NEK11: variants seen among roughly 807,000 people sequenced by gnomAD.
The protein encoded by NEK11 is serine/threonine-protein kinase Nek11.
A neutral mutation model predicts 80.7 loss-of-function variants in NEK11; 72 were observed. The ratio of observed to expected loss-of-function variants is 0.89; its 90% CI spans 0.74 to 1.08. The LOEUF (loss-of-function observed/expected upper bound fraction) is 1.08, where lower values mean the gene tolerates loss of function less well. Among genes scored for constraint, NEK11 ranks in the 50% least tolerant of loss-of-function variants. The probability of loss-of-function intolerance (pLI) is 0.00; values close to 1 mark genes in which losing one functional copy is unlikely to be tolerated. For missense variants in NEK11, 764 were observed against 763.6 expected (o/e 1.00, Z -0.01); for synonymous variants, 251 against 260.7 (o/e 0.96, Z 0.36).
At chr3:131,078,485 C>A (rs1193145425) in intron 3 of NEK11, among the ~76,000 whole-genome samples, 2 of 151,952 alleles carry the variant, frequency 1.3e-5, no homozygotes, top group Admixed American at 6.6e-5. Context: ...TAATTGTAGT[C>A]TCTCACTGAG....
chr3:131,123,733 A>G (rs546061228), intron 5 of NEK11, among the ~76,000 whole-genome samples: 1 of 152,100 alleles, frequency 6.6e-6, no homozygotes, highest in South Asian at 2.1e-4. Context: ...ACTTACTCCA[A>G]AGTTACAGCA....
intron 4 of NEK11, among the ~76,000 whole-genome samples, chr3:131,081,463 A>T (rs181463517): frequency 6.6e-6 from 1 of 152,282 alleles, no homozygotes; most frequent in Non-Finnish European, 1.5e-5. Context: ...AGGGAGTGTG[A>T]AGCTGCTTAG....
At chr3:131,229,094 A>T (rs565971200) in intron 15 of NEK11, among the ~76,000 whole-genome samples, 1 of 152,300 alleles carries the variant, frequency 6.6e-6, no homozygotes, top group South Asian at 2.1e-4. Flanking sequence ...AATTGAATGC[A>T]AATAAAATTT....
chr3:131,340,970 C>T (rs796911923), intron 17 of NEK11, among the ~76,000 whole-genome samples: 17 of 152,164 alleles, frequency 1.1e-4, no homozygotes, highest in African/African-American at 3.9e-4. Context: ...ATTTGAGATA[C>T]CCAGCTAACT....
intron 14 of NEK11, among the ~76,000 whole-genome samples, chr3:131,181,773 A>G (rs1407002044): frequency 1.3e-5 from 2 of 149,072 alleles, no homozygotes; most frequent in Non-Finnish European, 3.0e-5. Flanking sequence ...AAAAGAAAAG[A>G]TAACTTTGTG....
chr3:131,133,539 T>A (rs2718865), intron 6 of NEK11, among the ~76,000 whole-genome samples: 1 of 152,138 alleles, frequency 6.6e-6, no homozygotes, highest in East Asian at 1.9e-4. Flanking sequence ...ATTCAGACTT[T>A]AAATAGCTTT....
intron 17 of NEK11, among the ~76,000 whole-genome samples, chr3:131,274,468 A>G (rs1157356608): frequency 6.6e-6 from 1 of 150,860 alleles, no homozygotes; most frequent in African/African-American, 2.5e-5. Flanking sequence ...CTTTGGGTAT[A>G]TACCCAGTAG....
At chr3:131,190,795 A>G (rs2093764136) in intron 14 of NEK11, among the ~76,000 whole-genome samples, 1 of 152,320 alleles carries the variant, frequency 6.6e-6, no homozygotes, top group Middle Eastern at 3.4e-3. Context: ...CTGAAGACTA[A>G]AAGATCTCTA....
intron 14 of NEK11, among the ~76,000 whole-genome samples, chr3:131,209,059 G>A (rs1311079644): frequency 1.1e-4 from 16 of 152,154 alleles, no homozygotes; most frequent in Admixed American, 1.0e-3. Context: ...CAAAGGGAAT[G>A]CTTTCAGTTT....
At chr3:131,162,992 A>C (rs2091817520) in intron 11 of NEK11, among the ~76,000 whole-genome samples, 1 of 152,216 alleles carries the variant, frequency 6.6e-6, no homozygotes, top group South Asian at 2.1e-4. Context: ...CTGTTCTGTC[A>C]AGTGAAGCAT....
At chr3:131,077,336 A>G (rs1012659044) in intron 3 of NEK11, among the ~76,000 whole-genome samples, 1 of 152,162 alleles carries the variant, frequency 6.6e-6, no homozygotes, top group Non-Finnish European at 1.5e-5. Context: ...ATATGCAATG[A>G]GAGTTTCCTC....
rs114959978 is a variant in NEK11 at position 131,233,597 on chromosome 3, A to T, written c.1560+4909A>T. ...GAAAGGAAGGGATCATGAGTTAGGG[A>T]TTTCATGTGACTTTTACTGAATGCT... On this transcript the variant is annotated intron_variant, in intron 15 of 17. Coordinates refer to ENST00000383366, the MANE Select transcript of NEK11 (RefSeq NM_024800.5). Among the ~76,000 whole-genome samples, 502 of 152,248 alleles carry T rather than the reference A, an allele frequency of 3.3e-3. 1 individual carries two copies. The highest frequency in any genetic ancestry group is 0.011 in the African/African-American group (475 of 41,534).
chr3:131,215,433 A>AT (rs1386368915), intron 14 of NEK11, among the ~76,000 whole-genome samples: 1 of 151,964 alleles, frequency 6.6e-6, no homozygotes, highest in Non-Finnish European at 1.5e-5. Context: ...AAAAAAATAT[A>AT]TAAAAAAAAA....
chr3:131,225,576 G>A (rs946622635), intron 14 of NEK11, among the ~76,000 whole-genome samples: 1 of 152,152 alleles, frequency 6.6e-6, no homozygotes, highest in African/African-American at 2.4e-5. Context: ...TTATTTTATA[G>A]ATGAGAAAAC....
In NEK11 at chr3:131,154,066, G is replaced by C. The variant is rs142352411; in HGVS notation, c.877-970G>C. ...CTTGGAGGTAGGTACAAATGGGAGG[G>C]TTCTTATGCAAGCATATGCTCTCAG... On this transcript the variant is annotated intron_variant, in intron 9 of 17. Transcript: ENST00000383366. 5.6e-4 allele frequency among the ~76,000 whole-genome samples: 85 copies of C among 152,238 alleles called. 1 individual carries two copies. The East Asian group carries it at 0.011, about 20-fold the overall frequency.
chr3:131,223,332 A>G (rs2095087801), intron 14 of NEK11, among the ~76,000 whole-genome samples: 1 of 152,168 alleles, frequency 6.6e-6, no homozygotes, highest in Admixed American at 6.5e-5. Flanking sequence ...CTGGAGACAG[A>G]TTCATTCCAG....
intron 3 of NEK11, among the ~76,000 whole-genome samples, chr3:131,054,964 G>A (rs2110106286): frequency 6.6e-6 from 1 of 152,058 alleles, no homozygotes; most frequent in South Asian, 2.1e-4. Flanking sequence ...CTGATCCAAG[G>A]GCGAGCTTGC....
chr3:131,113,910 CAAA>C (rs35868059), intron 5 of NEK11, among the ~76,000 whole-genome samples: 199 of 101,570 alleles, frequency 2.0e-3, no homozygotes, highest in Non-Finnish European at 3.3e-3. Flanking sequence ...GACTCCCTCT[CAAA>C]AAAAAAAAAA....
At chr3:131,204,506 A>AGTGTCATAGATTCTGAC (rs1326815741) in intron 14 of NEK11, among the ~76,000 whole-genome samples, 2 of 152,078 alleles carry the variant, frequency 1.3e-5, no homozygotes, top group African/African-American at 4.8e-5. Flanking sequence ...TCATAGATAG[A>AGTGTCATAGATTCTGAC]TATTGTAGAT....
Sources: allele counts gnomAD v4.1 joint callset (sites outside exome capture counted in the v4.1 genomes callset), GRCh38; gene constraint gnomAD v4.1.1; transcripts MANE v1.5; gene names NCBI Gene and HGNC (gene_info 2026-07-23, HGNC 2026-07-21).